NRG3: variants seen among roughly 807,000 people sequenced by gnomAD.
NRG3 encodes neuregulin 3, also known as pro-neuregulin-3, membrane-bound isoform.
A neutral mutation model predicts 66.9 loss-of-function variants in NRG3; 31 were observed. The ratio of observed to expected loss-of-function variants is 0.46; its 90% confidence interval spans 0.35 to 0.63. The LOEUF (loss-of-function observed/expected upper bound fraction) is 0.63, where lower values mean the gene tolerates loss of function less well. Among genes scored for constraint, NRG3 ranks in the 20% least tolerant of loss-of-function variants. The pLI, the probability that NRG3 is intolerant of heterozygous loss-of-function variation, is 0.00. For synonymous variants in NRG3, 393 were observed against 359.4 expected (o/e 1.09, Z -1.06); for missense variants, 910 against 878.9 (o/e 1.04, Z -0.45).
chr10:82,918,785 T>A (rs1019494668), intron 4 of NRG3, among the ~76,000 whole-genome samples: 3 of 152,210 alleles, frequency 2.0e-5, no homozygotes, highest in Non-Finnish European at 4.4e-5. Flanking sequence ...GATCTCTCAA[T>A]GTGACAAGAA....
At chr10:81,881,815 T>A (rs1259513342) in intron 1 of NRG3, among the ~76,000 whole-genome samples, 3 of 152,110 alleles carry the variant, frequency 2.0e-5, no homozygotes, top group Admixed American at 1.3e-4. Flanking sequence ...CTTTTTTTTT[T>A]AATTAGCCAC....
At chr10:82,100,366 C>T (rs1217577386) in intron 1 of NRG3, among the ~76,000 whole-genome samples, 1 of 151,948 alleles carries the variant, frequency 6.6e-6, no homozygotes, top group African/African-American at 2.4e-5. Flanking sequence ...GTATATCTCC[C>T]TCTTCCTTTT....
intron 1 of NRG3, among the ~76,000 whole-genome samples, chr10:82,273,306 T>C (rs925891209): frequency 6.6e-6 from 1 of 152,058 alleles, no homozygotes; most frequent in Non-Finnish European, 1.5e-5. Context: ...AAGACTCTTC[T>C]GTAGAGTCGA....
intron 2 of NRG3, among the ~76,000 whole-genome samples, chr10:82,392,904 TGCAGG>T (rs2086479693): frequency 6.6e-6 from 1 of 151,592 alleles, no homozygotes. Flanking sequence ...ATATATTTTT[TGCAGG>T]CTTCATATGA....
chr10:82,305,148 C>CCACGCT (rs1211407739), intron 1 of NRG3, among the ~76,000 whole-genome samples: 1 of 151,712 alleles, frequency 6.6e-6, no homozygotes, highest in African/African-American at 2.4e-5. Context: ...GCGCCCACCA[C>CCACGCT]CACGCTCGGC....
Position 82,610,749 on chromosome 10 carries a change from G to GTC in NRG3, c.954-127825_954-127824dup, listed in dbSNP as rs201626766. 3.3e-5 allele frequency among the ~76,000 whole-genome samples: 5 copies of GTC among 152,200 alleles called. No homozygotes were observed. In the East Asian group the frequency reaches 7.7e-4, roughly 24 times the overall value. On this transcript the variant is annotated intron_variant, in intron 2 of 8. Coordinates refer to ENST00000372141, the MANE Select transcript of NRG3 (RefSeq NM_001010848.4). ...TCTTGAGAAGAGACAAAGACCTAAG[G>GTC]TCTCATTCCAGGAGTTATGTATGAC...
At chr10:82,173,275 T>C (rs1000714589) in intron 1 of NRG3, among the ~76,000 whole-genome samples, 4 of 152,092 alleles carry the variant, frequency 2.6e-5, no homozygotes, top group African/African-American at 4.8e-5. Flanking sequence ...ATTAAGTTTT[T>C]TTTTTTTCCA....
intron 6 of NRG3, among the ~76,000 whole-genome samples, chr10:82,963,098 A>G (rs1264137834): frequency 6.6e-6 from 1 of 152,174 alleles, no homozygotes; most frequent in Non-Finnish European, 1.5e-5. Context: ...ACATTAAATC[A>G]AAGTACTATC....
At chr10:82,371,871 G>A (rs75380643) in intron 2 of NRG3, among the ~76,000 whole-genome samples, 5,617 of 152,098 alleles carry the variant, frequency 0.037, 174 homozygotes, top group African/African-American at 0.085. Flanking sequence ...GAATGAGAGC[G>A]CACTCTCCTC....
intron 1 of NRG3, among the ~76,000 whole-genome samples, chr10:81,910,885 T>C (rs749745670): frequency 6.6e-6 from 1 of 152,178 alleles, no homozygotes; most frequent in African/African-American, 2.4e-5. Flanking sequence ...CTTGAACTCC[T>C]AGCCTCAATC....
chr10:82,654,498 C>A (rs2133915189), intron 2 of NRG3, among the ~76,000 whole-genome samples: 1 of 152,254 alleles, frequency 6.6e-6, no homozygotes, highest in South Asian at 2.1e-4. Flanking sequence ...CACAGAAATG[C>A]TTAATGTATA....
At chr10:82,883,240 C>CT (rs372898060) in intron 4 of NRG3, among the ~76,000 whole-genome samples, 3 of 149,772 alleles carry the variant, frequency 2.0e-5, no homozygotes, top group Non-Finnish European at 4.4e-5. Context: ...ATTTACAGGT[C>CT]TTTTTTTGCA....
intron 2 of NRG3, among the ~76,000 whole-genome samples, chr10:82,481,025 C>T (rs1248529768): frequency 6.6e-6 from 1 of 152,126 alleles, no homozygotes; most frequent in Non-Finnish European, 1.5e-5. Flanking sequence ...TCCTCTTTTC[C>T]CACTGGGATT....
chr10:82,374,879 A>G (rs1179775701), intron 2 of NRG3, among the ~76,000 whole-genome samples: 1 of 152,166 alleles, frequency 6.6e-6, no homozygotes, highest in Non-Finnish European at 1.5e-5. Context: ...TGTGAAGCTT[A>G]TGGAAACGTC....
chr10:82,961,756 G>A (rs1274600041), intron 6 of NRG3, among the ~76,000 whole-genome samples: 1 of 152,176 alleles, frequency 6.6e-6, no homozygotes, highest in Non-Finnish European at 1.5e-5. Flanking sequence ...CACAGTCCAT[G>A]CTCAAGTTTC....
At chr10:81,982,801 CA>C (rs1295993429) in intron 1 of NRG3, among the ~76,000 whole-genome samples, 10 of 152,180 alleles carry the variant, frequency 6.6e-5, no homozygotes, top group African/African-American at 2.4e-4. Flanking sequence ...GACCTGTCTC[CA>C]AATACAGTCA....
chr10:82,019,522 C>G (rs2061957935), intron 1 of NRG3, among the ~76,000 whole-genome samples: 1 of 152,132 alleles, frequency 6.6e-6, no homozygotes, highest in Non-Finnish European at 1.5e-5. Flanking sequence ...GTACCAGCTC[C>G]TCCTTGTACC....
intron 3 of NRG3, among the ~76,000 whole-genome samples, chr10:82,770,917 A>G (rs2059691779): frequency 6.6e-6 from 1 of 152,192 alleles, no homozygotes; most frequent in African/African-American, 2.4e-5. Context: ...AAAAATAAAC[A>G]GGCAGCTGCA....
intron 2 of NRG3, among the ~76,000 whole-genome samples, chr10:82,395,639 T>C (rs901051790): frequency 6.6e-6 from 1 of 152,138 alleles, no homozygotes; most frequent in African/African-American, 2.4e-5. Context: ...CATTCATCCA[T>C]CCATCTATCC....
Sources: gnomAD v4.1 joint callset for allele counts (sites outside exome capture counted in the v4.1 genomes callset) on GRCh38, gnomAD v4.1.1 for gene constraint, MANE v1.5 for transcripts, NCBI Gene and HGNC (gene_info 2026-07-23, HGNC 2026-07-21) for gene names.